The following ALDOB variants were observed in gnomAD, a reference collection of about 807,000 sequenced individuals.
ALDOB encodes aldolase, fructose-bisphosphate B.
Under a neutral mutation model 41.0 loss-of-function variants are expected in ALDOB, and 39 were observed. The ratio of observed to expected loss-of-function variants is 0.95; its 90% CI spans 0.74 to 1.24. The LOEUF (loss-of-function observed/expected upper bound fraction) is 1.24, where lower values mean the gene tolerates loss of function less well. Among genes scored for constraint, ALDOB ranks in the 50% most tolerant of loss-of-function variants. The pLI, the probability that ALDOB is intolerant of heterozygous loss-of-function variation, is 0.00. For synonymous variants in ALDOB, 175 were observed against 168.8 expected, an observed-to-expected ratio of 1.04 and a Z score of -0.28; for missense variants, 530 against 457.3, an observed-to-expected ratio of 1.16 and a Z score of -1.45.
Position 101,429,668 on chromosome 9 carries a change from T to A in ALDOB, c.324+87A>T, listed in dbSNP as rs927880341. On this transcript the variant is annotated intron_variant, in intron 3 of 8. Transcript: ENST00000647789. ...GAGAAGAGAAATTTGATGAGGAGAA[T>A]GTTCAGAGTGTTGGCCCTGTCCTTG... The A allele has an allele frequency of 1.4e-5, 17 of 1,189,674 alleles. No individual in the cohort carries two copies. In the East Asian group the frequency reaches 2.1e-4, roughly 15 times the overall value. The allele number at this position is 1,189,674 out of a possible 1,614,324, so 73.7% of individuals were successfully genotyped here.
At chr9:101,432,071 G>A (rs1233205766) in intron 1 of ALDOB, among the ~76,000 whole-genome samples, 1 of 152,162 alleles carries the variant, frequency 6.6e-6, no homozygotes, top group Non-Finnish European at 1.5e-5. Flanking sequence ...ATCCAGTCCT[G>A]TCCTCATGAC....
chr9:101,435,566 C>A (rs1369742351), intron 1 of ALDOB, 143 bp downstream of exon 1: 1 of 152,210 alleles, frequency 6.6e-6, no homozygotes, highest in African/African-American at 2.4e-5. Flanking sequence ...TCCCTCCAAG[C>A]AGAGCCATCA....
intron 1 of ALDOB, among the ~76,000 whole-genome samples, chr9:101,432,274 G>T (rs1276829149): frequency 2.6e-5 from 4 of 152,188 alleles, no homozygotes; most frequent in Non-Finnish European, 5.9e-5. Flanking sequence ...TGTTACTGGG[G>T]TAATAGGACA....
Position 101,421,461 on chromosome 9 carries a change from C to T in ALDOB, c.*348G>A. 2.7e-6 allele frequency: 1 copy of T among 366,858 alleles called. No individual in the cohort carries two copies. The highest frequency in any genetic ancestry group is 3.8e-5 in the Admixed American group (1 of 26,604). 22.7% of individuals were successfully genotyped at this position (366,858 alleles called of 1,614,324 possible). A position where few individuals can be genotyped will look rare whatever the true frequency, so the allele number is the denominator to read the frequency against. On this transcript the variant is annotated 3_prime_UTR_variant, in exon 9 of 9. Transcript: ENST00000647789. The stretch of plus-strand genomic sequence containing the variant: ...ACTGCTAAGACTGTTTCATAAGATG[C>T]ACTTCTCTACACTCAGCTAATGAGG...
chr9:101,435,548 C>T (rs1282685592), intron 1 of ALDOB, among the ~76,000 whole-genome samples, 161 bp downstream of exon 1: 1 of 152,138 alleles, frequency 6.6e-6, no homozygotes, highest in African/African-American at 2.4e-5. Flanking sequence ...GAGAGGAAAA[C>T]AAGCATTTCC....
At chr9:101,433,254 A>G (rs2118371773) in intron 1 of ALDOB, among the ~76,000 whole-genome samples, 1 of 152,208 alleles carries the variant, frequency 6.6e-6, no homozygotes, top group Non-Finnish European at 1.5e-5. Context: ...AGTGACCTCC[A>G]TTTTTCTGTT....
At chr9:101,428,735 A>G (rs1831168777) in intron 3 of ALDOB, among the ~76,000 whole-genome samples, 1 of 152,220 alleles carries the variant, frequency 6.6e-6, no homozygotes, top group African/African-American at 2.4e-5. Context: ...GAGCACCTGC[A>G]TGCACCAGGT....
At chr9:101,428,809 G>A (rs1156335331) in intron 3 of ALDOB, among the ~76,000 whole-genome samples, 1 of 152,138 alleles carries the variant, frequency 6.6e-6, no homozygotes, top group Admixed American at 6.5e-5. Context: ...CATAGCAAAG[G>A]CAAAAGTCAT....
chr9:101,430,810 A>T lies in ALDOB; in HGVS notation c.78T>A (p.Asn26Lys), dbSNP rs1180910257. The T allele has an allele frequency of 1.9e-6, 3 of 1,614,020 alleles. No individual in the cohort carries two copies. Among genetic ancestry groups the T allele is most frequent in the South Asian group, 1.1e-5 (1 of 91,088 alleles). Residue 26 changes from asparagine (N) to lysine (K), a missense_variant, in exon 2 of 9, where the codon AAT becomes AAA. Physicochemically the swap from Asn to Lys is moderately conservative, Grantham distance 94. Transcript: ENST00000647789. ...CATCTGCAGCCAGGATCCCCTTTCCATTGGCAACAATGCTCTGGGCAATTT... is the reference window on the plus strand; with the variant it reads ...CATCTGCAGCCAGGATCCCCTTTCCTTTGGCAACAATGCTCTGGGCAATTT... ...LSEIAQSIVA[N>K]GKGILAADES...
Position 101,425,362 on chromosome 9 carries a change from A to G in ALDOB, c.799+91T>C, listed in dbSNP as rs1035453364. 27 of 1,481,968 alleles carry G rather than the reference A, an allele frequency of 1.8e-5. No individual in the cohort carries two copies. In the African/African-American group the frequency reaches 3.3e-4, roughly 18 times the overall value. The allele number at this position is 1,481,968 out of a possible 1,614,324, so 91.8% of individuals were successfully genotyped here. On this transcript the variant is annotated intron_variant, in intron 7 of 8. Coordinates refer to ENST00000647789, the MANE Select transcript of ALDOB (RefSeq NM_000035.4). ...GAGATAACAGAGGTTTGTTTCATGA[A>G]TAGAAGCAGATTTCTGGACAAACAG...
Position 101,425,444 on chromosome 9 carries a change from A to C in ALDOB, c.799+9T>G. The C allele has an allele frequency of 1.2e-6, 2 of 1,614,150 alleles. No homozygotes were observed. The highest frequency in any genetic ancestry group is 1.7e-6 in the Non-Finnish European group (2 of 1,179,996). ...AAGACCTTGAGTTAGAGAAGAAAGA[A>C]GGCCTTACCAGGAACAGCTGCAGGA... is the stretch of plus-strand genomic sequence containing the variant. On this transcript the variant is annotated intron_variant, in intron 7 of 8. Coordinates refer to ENST00000647789, the MANE Select transcript of ALDOB (RefSeq NM_000035.4).
At chr9:101,430,610 C>T (rs889643910) in intron 2 of ALDOB, among the ~76,000 whole-genome samples, 166 bp downstream of exon 2, 2 of 152,178 alleles carry the variant, frequency 1.3e-5, no homozygotes, top group African/African-American at 2.4e-5. Context: ...CAGGAATGTG[C>T]CTACTACTTA....
intron 1 of ALDOB, among the ~76,000 whole-genome samples, chr9:101,432,555 C>A (rs1831236329): frequency 6.6e-6 from 1 of 152,070 alleles, no homozygotes; most frequent in Admixed American, 6.5e-5. Flanking sequence ...CTTAATGAAA[C>A]AAAAGGGAAA....
intron 1 of ALDOB, among the ~76,000 whole-genome samples, chr9:101,431,560 A>T (rs1018014138): frequency 1.3e-5 from 2 of 152,144 alleles, no homozygotes; most frequent in African/African-American, 2.4e-5. Context: ...GAGGATGCTA[A>T]AGTTGTATGG....
chr9:101,433,465 G>A (rs1167469623), intron 1 of ALDOB, among the ~76,000 whole-genome samples: 1 of 152,180 alleles, frequency 6.6e-6, no homozygotes, highest in Non-Finnish European at 1.5e-5. Flanking sequence ...TCACCACAAG[G>A]AGACAGGAGG....
chr9:101,435,635 A>G (rs905056320), intron 1 of ALDOB, 74 bp downstream of exon 1: 4 of 152,180 alleles, frequency 2.6e-5, no homozygotes, highest in African/African-American at 7.2e-5. Context: ...CTTCCCTTCT[A>G]TAAGCTTAGT....
chr9:101,422,998 CCTT>C (rs780915859), intron 8 of ALDOB, among the ~76,000 whole-genome samples: 48 of 152,224 alleles, frequency 3.2e-4, no homozygotes, highest in Non-Finnish European at 6.5e-4. Context: ...ACTCAGCTTC[CCTT>C]CTTCTGTGTG....
chr9:101,430,882 G>A lies in ALDOB; in HGVS notation c.6C>T (p.Ala2=), dbSNP rs756523723. M[A]HRFPALTQEQ... ...CCTGGGTGAGGGCTGGAAATCGGTG[G>A]GCCATGGTGACAGGTCTGGAAAAGA... The change falls in exon 2 of 9, where the codon GCC becomes GCT. Residue 2 remains alanine, a synonymous_variant. Coordinates refer to ENST00000647789, the MANE Select transcript of ALDOB (RefSeq NM_000035.4). 1.7e-5 allele frequency: 27 copies of A among 1,613,240 alleles called. No homozygotes were observed. The highest frequency in any genetic ancestry group is 2.7e-5 in the African/African-American group (2 of 74,884).
rs1055115783 is a variant in ALDOB, at chr9:101,421,254, A to T, written c.*555T>A. ...TTTAAAATTTTGCGGCTTGATTCCA[A>T]TGACTAGCAAGAGTTGAAGACCTTT... is the stretch of plus-strand genomic sequence containing the variant. On this transcript the variant is annotated 3_prime_UTR_variant, in exon 9 of 9. Transcript: ENST00000647789. The T allele has an allele frequency of 6.1e-6, 1 of 163,172 alleles. No homozygotes were observed. The allele number at this position is 163,172 out of a possible 1,614,324, so 10.1% of individuals were successfully genotyped here.
Sources: allele counts gnomAD v4.1 joint callset (sites outside exome capture counted in the v4.1 genomes callset), GRCh38; gene constraint gnomAD v4.1.1; transcripts MANE v1.5; gene names NCBI Gene and HGNC (gene_info 2026-07-23, HGNC 2026-07-21).